LPP: variants seen among roughly 807,000 people sequenced by gnomAD.
LPP encodes lipoma-preferred partner.
LPP carries 38 observed loss-of-function variants against 60.4 expected under a neutral mutation model. The ratio of observed to expected loss-of-function variants is 0.63; its 90% CI spans 0.49 to 0.83. The LOEUF (loss-of-function observed/expected upper bound fraction) is 0.83, where lower values mean the gene tolerates loss of function less well. Among genes scored for constraint, LPP ranks in the 40% least tolerant of loss-of-function variants. LPP has a pLI of 0.00. For synonymous variants in LPP, 328 were observed against 290.8 expected, an observed-to-expected ratio of 1.13 and a Z score of -1.30; for missense variants, 902 against 783.6, an observed-to-expected ratio of 1.15 and a Z score of -1.80.
rs1865180099 is a variant in LPP, at chr3:188,704,913, C to G, written c.1114-3354C>G. Among the ~76,000 whole-genome samples, 4 of 152,048 alleles carry G rather than the reference C, an allele frequency of 2.6e-5. No individual in the cohort carries two copies. In the South Asian group the frequency reaches 8.3e-4, roughly 32 times the overall value. On this transcript the variant is annotated intron_variant, in intron 7 of 11. Transcript: ENST00000617246. ...GCATGGAAGCAGTAATTAACTGACC[C>G]TTCCTATTTTTCCACCTGTCCAGAC...
chr3:188,670,863 C>T (rs924058960), intron 7 of LPP, among the ~76,000 whole-genome samples: 1 of 152,178 alleles, frequency 6.6e-6, no homozygotes, highest in Non-Finnish European at 1.5e-5. Flanking sequence ...GGAGCGCTAC[C>T]ATGATTAATG....
intron 7 of LPP, among the ~76,000 whole-genome samples, chr3:188,643,736 T>C (rs1428468001): frequency 6.6e-6 from 1 of 152,158 alleles, no homozygotes; most frequent in Non-Finnish European, 1.5e-5. Context: ...CACTTTAAAA[T>C]GCCCCGTATT....
At chr3:188,483,664 C>T (rs987709742) in intron 4 of LPP, among the ~76,000 whole-genome samples, 1 of 152,032 alleles carries the variant, frequency 6.6e-6, no homozygotes, top group African/African-American at 2.4e-5. Context: ...AGGTTCACTC[C>T]CTCAATAACT....
Position 188,889,128 on chromosome 3 carries a change from G to T in LPP, c.*14649G>T, listed in dbSNP as rs1770990008. 5 of 227,430 alleles carry T rather than the reference G, an allele frequency of 2.2e-5. No homozygotes were observed. The highest frequency in any genetic ancestry group is 1.1e-4 in the African/African-American group (5 of 45,102). 14.1% of individuals were successfully genotyped at this position (227,430 alleles called of 1,614,324 possible). ...AAAATAGAAAAGTCTTGGCTGTGGG[G>T]ATTGGAAGCTCAGGGGGCCAAATGT... is the stretch of plus-strand genomic sequence containing the variant. On this transcript the variant is annotated 3_prime_UTR_variant, in exon 12 of 12. Coordinates refer to ENST00000617246, the MANE Select transcript of LPP (RefSeq NM_001375462.1).
chr3:188,745,977 A>G (rs1193156855), intron 8 of LPP, among the ~76,000 whole-genome samples: 1 of 152,142 alleles, frequency 6.6e-6, no homozygotes, highest in Non-Finnish European at 1.5e-5. Flanking sequence ...ATCCCGTTGC[A>G]CTTACAACTA....
At chr3:188,707,617 A>G (rs1865741726) in intron 7 of LPP, among the ~76,000 whole-genome samples, 1 of 152,152 alleles carries the variant, frequency 6.6e-6, no homozygotes, top group Non-Finnish European at 1.5e-5. Flanking sequence ...TAGAACCAAA[A>G]TGTTCGCTTT....
At chr3:188,703,219 C>T (rs781076349) in intron 7 of LPP, among the ~76,000 whole-genome samples, 2 of 152,214 alleles carry the variant, frequency 1.3e-5, no homozygotes, top group Non-Finnish European at 2.9e-5. Flanking sequence ...ATAACACAAA[C>T]TATTCCCTTT....
chr3:188,830,010 A>T (rs1036280364), intron 9 of LPP, among the ~76,000 whole-genome samples: 2 of 25,446 alleles, frequency 7.9e-5, no homozygotes, highest in Admixed American at 5.7e-4. Context: ...CATCTCATTA[A>T]AAAAAAAAAA....
intron 4 of LPP, among the ~76,000 whole-genome samples, chr3:188,460,385 G>C (rs1798713316): frequency 1.3e-5 from 2 of 152,142 alleles, no homozygotes; most frequent in African/African-American, 4.8e-5. Context: ...GGCCTTTGAA[G>C]ACTTTAAATG....
chr3:188,795,360 GT>G (rs1441873797), intron 9 of LPP, among the ~76,000 whole-genome samples: 1 of 152,142 alleles, frequency 6.6e-6, no homozygotes, highest in African/African-American at 2.4e-5. Flanking sequence ...AATCCCCCAT[GT>G]TTAGCCAGTG....
intron 8 of LPP, among the ~76,000 whole-genome samples, chr3:188,743,115 A>G (rs376162231): frequency 4.7e-4 from 72 of 152,322 alleles, no homozygotes; most frequent in African/African-American, 1.7e-3. Context: ...ACCATACCTC[A>G]TAGAACATTT....
intron 1 of LPP, among the ~76,000 whole-genome samples, chr3:188,154,699 T>A (rs1041971664): frequency 1.3e-5 from 2 of 152,138 alleles, no homozygotes; most frequent in African/African-American, 4.8e-5. Context: ...AGACCATAAT[T>A]CAAATAGTTG....
intron 3 of LPP, among the ~76,000 whole-genome samples, chr3:188,387,411 T>G (rs1156842019): frequency 6.6e-6 from 1 of 152,210 alleles, no homozygotes; most frequent in Non-Finnish European, 1.5e-5. Context: ...ACAATTTTAA[T>G]AACTTTAATA....
At chr3:188,768,436 A>G (rs1734822922) in intron 9 of LPP, among the ~76,000 whole-genome samples, 1 of 152,212 alleles carries the variant, frequency 6.6e-6, no homozygotes, top group African/African-American at 2.4e-5. Context: ...AAAACATTCC[A>G]GTTATTCCAT....
intron 6 of LPP, among the ~76,000 whole-genome samples, chr3:188,596,649 T>C (rs535075457): frequency 6.2e-4 from 95 of 152,294 alleles, no homozygotes; most frequent in African/African-American, 2.3e-3. Flanking sequence ...CTAGTGACTT[T>C]GTTAGGAGCT....
chr3:188,476,122 C>T (rs1803152274), intron 4 of LPP, among the ~76,000 whole-genome samples: 1 of 152,106 alleles, frequency 6.6e-6, no homozygotes, highest in Admixed American at 6.5e-5. Context: ...GCCCTTCTCA[C>T]CATGTGATAT....
intron 9 of LPP, among the ~76,000 whole-genome samples, chr3:188,787,786 C>T (rs928251467): frequency 6.6e-6 from 1 of 152,212 alleles, no homozygotes; most frequent in Non-Finnish European, 1.5e-5. Flanking sequence ...CTTCTTGTCT[C>T]AATCTGTACT....
At chr3:188,156,855 C>CT (rs1046863407) in intron 1 of LPP, among the ~76,000 whole-genome samples, 6 of 150,990 alleles carry the variant, frequency 4.0e-5, no homozygotes, top group African/African-American at 1.5e-4. Flanking sequence ...CGCCCCACCC[C>CT]CCCAAGAAAA....
chr3:188,256,520 C>T (rs1731722458), intron 2 of LPP, among the ~76,000 whole-genome samples: 2 of 152,142 alleles, frequency 1.3e-5, no homozygotes, highest in South Asian at 2.1e-4. Context: ...TATTTAATTA[C>T]ACTTAAGGTC....
Sources: allele counts gnomAD v4.1 joint callset (sites outside exome capture counted in the v4.1 genomes callset), GRCh38; gene constraint gnomAD v4.1.1; transcripts MANE v1.5; gene names NCBI Gene and HGNC (gene_info 2026-07-23, HGNC 2026-07-21).